Variants in KIAA0930 observed in about 807,000 individuals in gnomAD.
KIAA0930 encodes the protein uncharacterized protein KIAA0930.
KIAA0930 carries 24 observed loss-of-function variants against 43.9 expected under a neutral mutation model. That is an observed-to-expected ratio of 0.55 (90% confidence interval 0.40 to 0.77). The LOEUF is 0.77. KIAA0930 is among the 30% of genes least tolerant of loss of function. The probability of loss-of-function intolerance (pLI) is 0.00; values close to 1 mark genes in which losing one functional copy is unlikely to be tolerated. For missense variants in KIAA0930, 461 were observed against 574.2 expected (o/e 0.80, Z 2.02); for synonymous variants, 259 against 216.4 (o/e 1.20, Z -1.73).
intron 1 of KIAA0930, among the ~76,000 whole-genome samples, chr22:45,229,162 AC>A (rs1401165838): frequency 4.3e-4 from 2 of 4,634 alleles, no homozygotes; most frequent in African/African-American, 1.7e-3. Flanking sequence ...ATCCCTCTCC[AC>A]CCCCGGCACC....
At chr22:45,227,325 C>A (rs2083808327) in intron 1 of KIAA0930, among the ~76,000 whole-genome samples, 2 of 152,170 alleles carry the variant, frequency 1.3e-5, no homozygotes, top group Non-Finnish European at 2.9e-5. Context: ...CACACCAACC[C>A]TCATTCCTAG....
Position 45,197,024 on chromosome 22 carries a change from C to T in KIAA0930, c.*152G>A, listed in dbSNP as rs1051380098. On this transcript the variant is annotated 3_prime_UTR_variant, in exon 10 of 10. Transcript: ENST00000336156. ...CAGTTTGGGCTGGTGTTCGTGGAGTCGGCCCCGGCCCCGGGAGTCGAGTGG... is the reference window on the plus strand; with the variant it reads ...CAGTTTGGGCTGGTGTTCGTGGAGTTGGCCCCGGCCCCGGGAGTCGAGTGG... 14 of 613,260 alleles carry T rather than the reference C, an allele frequency of 2.3e-5. No individual in the cohort carries two copies. Among genetic ancestry groups the T allele is most frequent in the African/African-American group, 5.8e-5 (3 of 51,710 alleles). 38.0% of individuals were successfully genotyped at this position (613,260 alleles called of 1,614,324 possible).
At chr22:45,218,151 G>A (rs2083744973) in intron 1 of KIAA0930, among the ~76,000 whole-genome samples, 1 of 151,596 alleles carries the variant, frequency 6.6e-6, no homozygotes, top group African/African-American at 2.4e-5. Context: ...ACCCTACAGT[G>A]TGTTTATTTA....
At chr22:45,214,939 C>T (rs1405909003) in intron 1 of KIAA0930, among the ~76,000 whole-genome samples, 1 of 149,874 alleles carries the variant, frequency 6.7e-6, no homozygotes, top group East Asian at 2.0e-4. Flanking sequence ...AAATTTAGGC[C>T]AGGTGCAGTG....
intron 2 of KIAA0930, among the ~76,000 whole-genome samples, chr22:45,208,332 A>G (rs1601813917): frequency 6.7e-6 from 1 of 150,208 alleles, no homozygotes; most frequent in Admixed American, 6.6e-5. Context: ...CTCCACACAC[A>G]TGAGCTGTGA....
intron 2 of KIAA0930, among the ~76,000 whole-genome samples, chr22:45,208,616 G>A (rs1333534372): frequency 6.6e-6 from 1 of 152,212 alleles, no homozygotes; most frequent in Non-Finnish European, 1.5e-5. Flanking sequence ...GAGCCCTGGG[G>A]TGGGGTGAAG....
intron 8 of KIAA0930, among the ~76,000 whole-genome samples, chr22:45,199,590 G>A (rs748264249): frequency 1.3e-5 from 2 of 152,174 alleles, no homozygotes; most frequent in Non-Finnish European, 2.9e-5. Flanking sequence ...CCTTAGAAAG[G>A]TGGGAAATCC....
chr22:45,200,190 G>A, intron 7 of KIAA0930, 155 bp from the exon 8 acceptor site: 2 of 681,848 alleles, frequency 2.9e-6, no homozygotes, highest in East Asian at 6.5e-5. Context: ...GCCCGTGCTA[G>A]GTGGGGCCTA....
intron 7 of KIAA0930, chr22:45,200,964 AG>A (rs764079139): frequency 2.1e-5 from 11 of 517,202 alleles, no homozygotes; most frequent in African/African-American, 1.5e-4. Context: ...CAGGTGAAGA[AG>A]GGGGGGAAGG....
chr22:45,236,204 C>G (rs111831726), intron 1 of KIAA0930: 6 of 152,384 alleles, frequency 3.9e-5, no homozygotes, highest in African/African-American at 1.4e-4. Flanking sequence ...CCCACCTCTC[C>G]GGGAGCAGGA....
chr22:45,200,104 C>G, intron 7 of KIAA0930, 69 bp from the exon 8 acceptor site: 3 of 1,437,460 alleles, frequency 2.1e-6, no homozygotes, highest in Non-Finnish European at 2.8e-6. Flanking sequence ...CAACGCCCCT[C>G]CTATCCCACC....
At chr22:45,237,992 C>T (rs2083897097) in intron 1 of KIAA0930, among the ~76,000 whole-genome samples, 2 of 151,644 alleles carry the variant, frequency 1.3e-5, no homozygotes, top group Admixed American at 1.3e-4. Flanking sequence ...GTGATCTCGG[C>T]TCACTGCAAC....
At chr22:45,208,162 A>G (rs1296225357) in intron 2 of KIAA0930, among the ~76,000 whole-genome samples, 2 of 152,194 alleles carry the variant, frequency 1.3e-5, no homozygotes, top group African/African-American at 4.8e-5. Flanking sequence ...CCAGGCCGCC[A>G]TGGTACACTC....
intron 1 of KIAA0930, 112 bp from the exon 2 acceptor site, chr22:45,212,219 G>C: frequency 6.2e-7 from 1 of 1,613,044 alleles, no homozygotes. Context: ...AAATTTGCGA[G>C]GGCTCTGAGA....
intron 1 of KIAA0930, among the ~76,000 whole-genome samples, chr22:45,237,922 C>G (rs1350219461): frequency 1.5e-5 from 2 of 135,314 alleles, no homozygotes; most frequent in Non-Finnish European, 1.5e-5. Context: ...GAAAAATGAG[C>G]CCTTTTTTTT....
At chr22:45,237,427 C>G (rs1406981543) in intron 1 of KIAA0930, among the ~76,000 whole-genome samples, 1 of 152,212 alleles carries the variant, frequency 6.6e-6, no homozygotes, top group Admixed American at 6.5e-5. Context: ...ACAGACAAGC[C>G]TCAAAAGCCA....
intron 1 of KIAA0930, among the ~76,000 whole-genome samples, chr22:45,235,054 C>A (rs1168043735): frequency 6.6e-6 from 1 of 151,892 alleles, no homozygotes; most frequent in Non-Finnish European, 1.5e-5. Context: ...GTTAACAAGT[C>A]TCCTGCTTGG....
chr22:45,229,648 C>T (rs944711215), intron 1 of KIAA0930, among the ~76,000 whole-genome samples: 5 of 152,236 alleles, frequency 3.3e-5, no homozygotes, highest in African/African-American at 1.2e-4. Context: ...CCGCCAACAA[C>T]GGGTTGAGGA....
At chr22:45,221,592 T>C (rs1012484697) in intron 1 of KIAA0930, among the ~76,000 whole-genome samples, 2 of 152,218 alleles carry the variant, frequency 1.3e-5, no homozygotes, top group South Asian at 2.1e-4. Context: ...ATATATGACA[T>C]AATAAATATG....
Sources: allele counts gnomAD v4.1 joint callset (sites outside exome capture counted in the v4.1 genomes callset), GRCh38; gene constraint gnomAD v4.1.1; transcripts MANE v1.5; gene names NCBI Gene and HGNC (gene_info 2026-07-23, HGNC 2026-07-21).